RAF1: variants seen among roughly 807,000 people sequenced by gnomAD.
RAF1 encodes the protein Raf-1 proto-oncogene, serine/threonine kinase.
RAF1 carries 27 observed loss-of-function variants against 81.1 expected under a neutral mutation model. The ratio of observed to expected loss-of-function variants is 0.33; its 90% confidence interval spans 0.25 to 0.46. RAF1 has a LOEUF of 0.46. RAF1 is among the 20% of genes least tolerant of loss of function. The pLI, the probability that RAF1 is intolerant of heterozygous loss-of-function variation, is 1.00. For missense variants in RAF1, 598 were observed against 826.0 expected, an observed-to-expected ratio of 0.72 and a Z score of 3.38; for synonymous variants, 298 against 294.0, an observed-to-expected ratio of 1.01 and a Z score of -0.14.
At chr3:12,652,008 T>C (rs1175322384) in intron 1 of RAF1, among the ~76,000 whole-genome samples, 1 of 100,154 alleles carries the variant, frequency 1.0e-5, no homozygotes, top group East Asian at 2.7e-4. Context: ...AAACTCCATC[T>C]CTAAAATAAA....
intron 1 of RAF1, among the ~76,000 whole-genome samples, chr3:12,662,970 A>T (rs2060927118): frequency 6.6e-6 from 1 of 151,934 alleles, no homozygotes; most frequent in Admixed American, 6.6e-5. Flanking sequence ...AGATTAAGTG[A>T]CCCCCTAGAA....
At chr3:12,598,742 AAAAAAAAAAAAC>A (rs1462384364) in intron 11 of RAF1, among the ~76,000 whole-genome samples, 8 of 149,088 alleles carry the variant, frequency 5.4e-5, no homozygotes, top group Non-Finnish European at 1.0e-4. Context: ...AAAAAAAAAA[AAAAAAAAAAAAC>A]CACCAAGTAC....
intron 6 of RAF1, 139 bp from the exon 7 acceptor site, chr3:12,604,428 C>G: frequency 1.1e-6 from 1 of 946,760 alleles, no homozygotes; most frequent in Non-Finnish European, 1.6e-6. Context: ...TTGATTCTTT[C>G]AAATGTGTGA....
At chr3:12,607,661 T>G (rs1403480343) in intron 5 of RAF1, among the ~76,000 whole-genome samples, 2 of 147,502 alleles carry the variant, frequency 1.4e-5, no homozygotes, top group Admixed American at 6.8e-5. Flanking sequence ...AAAATAATAA[T>G]AAAAAAAAAG....
chr3:12,654,463 G>C (rs931202335), intron 1 of RAF1, among the ~76,000 whole-genome samples: 1 of 151,772 alleles, frequency 6.6e-6, no homozygotes, highest in Admixed American at 6.6e-5. Flanking sequence ...TTAGCTGAGT[G>C]TGGTGGCACA....
At chr3:12,609,807 T>C (rs1020967867) in intron 3 of RAF1, among the ~76,000 whole-genome samples, 1 of 152,146 alleles carries the variant, frequency 6.6e-6, no homozygotes, top group South Asian at 2.1e-4. Context: ...TAAACAATGA[T>C]ATATAAAATC....
rs143672243 is a variant in RAF1, at chr3:12,631,442, C to T, written c.-26-12695G>A. On this transcript the variant is annotated intron_variant, in intron 1 of 17. Transcript: ENST00000442415. Reference sequence around the variant, plus strand: ...TGAAACCCTGTCTCTACTAAAAATACGAAAAAATTAGCCGGGCGTGGTGGC... The same window carrying T: ...TGAAACCCTGTCTCTACTAAAAATATGAAAAAATTAGCCGGGCGTGGTGGC... Among the ~76,000 whole-genome samples the T allele has an allele frequency of 1.7e-3, 253 of 151,730 alleles. 2 individuals carry two copies. Among genetic ancestry groups the T allele is most frequent in the African/African-American group, 5.9e-3 (242 of 41,354 alleles).
chr3:12,588,602 T>C lies in RAF1; in HGVS notation c.1431-965A>G, dbSNP rs1337556565. 3 of 152,344 alleles carry C rather than the reference T, an allele frequency of 2.0e-5. No homozygotes were observed. The East Asian group carries it at 5.8e-4, about 29-fold the overall frequency. 9.4% of individuals were successfully genotyped at this position (152,344 alleles called of 1,614,324 possible). ...ACAGTAAAAATACAGTATTATAATC[T>C]TGTGGGACCACCTTCCTATATGTGG... is the stretch of plus-strand genomic sequence containing the variant. On this transcript the variant is annotated intron_variant, in intron 13 of 17. Coordinates refer to ENST00000442415, the MANE Select transcript of RAF1 (RefSeq NM_001354689.3).
chr3:12,585,613 C>A, intron 15 of RAF1, 68 bp downstream of exon 14: 1 of 1,432,160 alleles, frequency 7.0e-7, no homozygotes, highest in Non-Finnish European at 9.8e-7. Context: ...TTTAAGTTTG[C>A]ACATAAATCT....
intron 1 of RAF1, among the ~76,000 whole-genome samples, chr3:12,662,338 TAAAAAAAAA>T (rs61275660): frequency 1.3e-3 from 130 of 100,882 alleles, no homozygotes; most frequent in Middle Eastern, 5.7e-3. Context: ...CCTGTTCCTT[TAAAAAAAAA>T]AAAAAAAAAA....
intron 1 of RAF1, among the ~76,000 whole-genome samples, chr3:12,660,528 G>A (rs2060842893): frequency 6.6e-6 from 1 of 152,020 alleles, no homozygotes; most frequent in Admixed American, 6.6e-5. Flanking sequence ...TGCCCAGGCT[G>A]GTCTCAAACT....
At position 12,585,220 on chromosome 3, in the gene RAF1, G is replaced by A; in HGVS notation, c.1630C>T (p.Pro544Ser). 1 of 1,614,080 alleles carries A rather than the reference G, an allele frequency of 6.2e-7. No homozygotes were observed. Among genetic ancestry groups the A allele is most frequent in the Non-Finnish European group, 8.5e-7 (1 of 1,180,016 alleles). Residue 544 changes from proline (P) to serine (S), a missense_variant, in exon 16 of 18, where the codon CCA (proline) becomes TCA (serine). By Grantham distance (74) the Pro-to-Ser change is moderately conservative. Coordinates refer to ENST00000442415, the MANE Select transcript of RAF1 (RefSeq NM_001354689.3). ...TAGACATCCGACTGGAAACTGAATG[G>A]GTTGTTATCCTGCATTCGGATCACC...
At chr3:12,589,741 G>A (rs2058441292) in intron 13 of RAF1, 1 of 152,082 alleles carries the variant, frequency 6.6e-6, no homozygotes, top group Non-Finnish European at 1.5e-5. Context: ...CTCTAGCATA[G>A]GTGACAGAGT....
rs141844568 is a variant in RAF1 at position 12,593,562 on chromosome 3, C to T, written c.1169-1770G>A. 3.3e-3 allele frequency among the ~76,000 whole-genome samples: 507 copies of T among 152,004 alleles called. 4 individuals are homozygous for T. The highest frequency in any genetic ancestry group is 0.012 in the African/African-American group (493 of 41,470). On this transcript the variant is annotated intron_variant, in intron 11 of 17. Transcript: ENST00000442415. Reference sequence around the variant, plus strand: ...TGCACATGTGTTTGCCATGGGCTGCCGGTGAAGGTGCTGTTGACTGGATGG... The same window carrying T: ...TGCACATGTGTTTGCCATGGGCTGCTGGTGAAGGTGCTGTTGACTGGATGG...
intron 2 of RAF1, among the ~76,000 whole-genome samples, chr3:12,615,991 G>A (rs2059357404): frequency 6.6e-6 from 1 of 152,080 alleles, no homozygotes; most frequent in Non-Finnish European, 1.5e-5. Flanking sequence ...GGTAGAGGTT[G>A]CAGTGAGCCG....
intron 1 of RAF1, among the ~76,000 whole-genome samples, chr3:12,634,888 C>G (rs1306116804): frequency 1.1e-4 from 16 of 152,086 alleles, no homozygotes; most frequent in Non-Finnish European, 1.5e-5. Flanking sequence ...TAGTATAGCA[C>G]CACAGTGTTT....
chr3:12,658,583 C>T (rs2060773389), intron 1 of RAF1, among the ~76,000 whole-genome samples: 1 of 152,068 alleles, frequency 6.6e-6, no homozygotes, highest in Admixed American at 6.6e-5. Flanking sequence ...GCCTGGGCAA[C>T]AAGAACGAAA....
intron 11 of RAF1, among the ~76,000 whole-genome samples, chr3:12,596,371 T>A (rs542360682): frequency 9.9e-5 from 15 of 152,066 alleles, no homozygotes; most frequent in African/African-American, 3.4e-4. Flanking sequence ...TTTTTTTATT[T>A]TTAGTGGAGA....
chr3:12,600,057 A>T, intron 10 of RAF1, 95 bp downstream of exon 9: 1 of 1,558,228 alleles, frequency 6.4e-7, no homozygotes, highest in Non-Finnish European at 8.8e-7. Flanking sequence ...ATTTTATTAG[A>T]ATCTTCTCCC....
Sources: allele counts gnomAD v4.1 joint callset (sites outside exome capture counted in the v4.1 genomes callset), GRCh38; gene constraint gnomAD v4.1.1; transcripts MANE v1.5; gene names NCBI Gene and HGNC (gene_info 2026-07-23, HGNC 2026-07-21).